DDX50: variants seen among roughly 807,000 people sequenced by gnomAD.
The protein encoded by DDX50 is DExD-box helicase 50, also known as ATP-dependent RNA helicase DDX50.
A neutral mutation model predicts 94.8 loss-of-function variants in DDX50; 56 were observed. The ratio of observed to expected loss-of-function variants is 0.59; its 90% CI spans 0.48 to 0.74. The LOEUF (loss-of-function observed/expected upper bound fraction) is 0.74. Among genes scored for constraint, DDX50 ranks in the 30% least tolerant of loss-of-function variants. The pLI, the probability that DDX50 is intolerant of heterozygous loss-of-function variation, is 0.00. For missense variants in DDX50, 713 were observed against 881.2 expected (o/e 0.81, Z 2.42); for synonymous variants, 264 against 295.4 (o/e 0.89, Z 1.09).
At position 68,913,544 on chromosome 10, in the gene DDX50, T is replaced by C. The variant is rs1841697643; in HGVS notation, c.911T>C (p.Val304Ala). 6.2e-7 allele frequency: 1 copy of C among 1,613,484 alleles called. No individual in the cohort carries two copies. The highest frequency in any genetic ancestry group is 8.5e-7 in the Non-Finnish European group (1 of 1,179,852). The change falls in exon 6 of 15, where the codon GTT becomes GCT. Residue 304 changes from valine to alanine, a missense_variant. By Grantham distance (64) the Val-to-Ala change is moderately conservative. This residue lies in a region of DDX50 where 428 missense variants were observed against 602.3 expected (regional missense o/e 0.71). Coordinates refer to ENST00000373585, the MANE Select transcript of DDX50 (RefSeq NM_024045.2). ...TTAGATTTAGGTTTCGCTGAACAAG[T>C]TGAAGATATTATTCATGAATCCTAC... ...QMLDLGFAEQ[V>A]EDIIHESYKT...
Position 68,901,325 on chromosome 10 carries a change from T to A in DDX50, c.-60T>A. On this transcript the variant is annotated 5_prime_UTR_variant, in exon 1 of 15. Coordinates refer to ENST00000373585, the MANE Select transcript of DDX50 (RefSeq NM_024045.2). ...GCCTTGCCCCCGCTTCCTTTCACGC[T>A]GTCGCTGCCCGTAGGTGGTTGTGGC... 1 of 1,443,650 alleles carries A rather than the reference T, an allele frequency of 6.9e-7. No homozygotes were observed. The highest frequency in any genetic ancestry group is 1.4e-5 in the South Asian group (1 of 73,904). The allele number at this position is 1,443,650 out of a possible 1,614,324, so 89.4% of individuals were successfully genotyped here. A position where few individuals can be genotyped will look rare whatever the true frequency, so the allele number is the denominator to read the frequency against.
In DDX50 at chr10:68,934,066, C is replaced by G; in HGVS notation, c.1240-133C>G. ...TGTCATGTTTGACTTTTTTTTTTTACAGTAAGCATGCATTGTTAAAATCAT... is the reference window on the plus strand; with the variant it reads ...TGTCATGTTTGACTTTTTTTTTTTAGAGTAAGCATGCATTGTTAAAATCAT... On this transcript the variant is annotated intron_variant, in intron 8 of 14. Transcript: ENST00000373585. The surrounding 1 kb of genome is among the most constrained non-coding windows in gnomAD (Gnocchi z 4.0). 1 of 723,076 alleles carries G rather than the reference C, an allele frequency of 1.4e-6. No individual in the cohort carries two copies. The highest frequency in any genetic ancestry group is 2.0e-6 in the Non-Finnish European group (1 of 507,632). The allele number at this position is 723,076 out of a possible 1,614,324, so 44.8% of individuals were successfully genotyped here. A position where few individuals can be genotyped will look rare whatever the true frequency, so the allele number is the denominator to read the frequency against.
chr10:68,925,225 T>C (rs1842053612), intron 8 of DDX50, among the ~76,000 whole-genome samples: 1 of 150,176 alleles, frequency 6.7e-6, no homozygotes, highest in Non-Finnish European at 1.5e-5. Flanking sequence ...TGCCTGAGTC[T>C]CCCAAGTAGC....
intron 8 of DDX50, among the ~76,000 whole-genome samples, chr10:68,931,307 A>G (rs1481991674): frequency 6.7e-6 from 1 of 150,234 alleles, no homozygotes; most frequent in Non-Finnish European, 1.5e-5. Flanking sequence ...TAGGCCACCG[A>G]TAACCTCTTT....
At chr10:68,936,863 T>A in intron 11 of DDX50, 73 bp from the exon 12 acceptor site, 2 of 1,452,840 alleles carry the variant, frequency 1.4e-6, no homozygotes, top group South Asian at 1.4e-5. Context: ...TTACTCCTTC[T>A]TTTTCCCATT....
At chr10:68,911,307 A>C (rs964481989) in intron 4 of DDX50, 61 bp downstream of exon 4, 3 of 1,459,136 alleles carry the variant, frequency 2.1e-6, no homozygotes, top group Non-Finnish European at 2.7e-6. Flanking sequence ...AAAGAAAGTT[A>C]CACGAGTCCT....
In DDX50 at chr10:68,910,397, T is replaced by A; in HGVS notation, c.460+15T>A. On this transcript the variant is annotated intron_variant, in intron 3 of 14. Transcript: ENST00000373585. ...GCTTCTGAAAGGTATGCAGTTTGGT[T>A]GTTGTTGTTATTGTTGTTGTTTTGA... 1 of 1,582,634 alleles carries A rather than the reference T, an allele frequency of 6.3e-7. No homozygotes were observed. The highest frequency in any genetic ancestry group is 8.6e-7 in the Non-Finnish European group (1 of 1,167,728).
At chr10:68,913,100 TG>T in intron 4 of DDX50, 61 bp from the exon 5 acceptor site, 1 of 1,386,622 alleles carries the variant, frequency 7.2e-7, no homozygotes, top group South Asian at 1.3e-5. Flanking sequence ...AAAGTCTTCT[TG>T]GTTTTAATTT....
chr10:68,922,772 G>A (rs192203336), intron 8 of DDX50, among the ~76,000 whole-genome samples: 68 of 151,458 alleles, frequency 4.5e-4, no homozygotes, highest in Admixed American at 1.1e-3. Context: ...TATCTTGGGT[G>A]ACAGAGTATG....
At chr10:68,925,298 CA>C (rs1202504162) in intron 8 of DDX50, among the ~76,000 whole-genome samples, 1 of 151,010 alleles carries the variant, frequency 6.6e-6, no homozygotes, top group Non-Finnish European at 1.5e-5. Context: ...TTAGTAGAGA[CA>C]GGGTTTCTTC....
At chr10:68,943,868 T>A (rs1237551319) in intron 14 of DDX50, among the ~76,000 whole-genome samples, 4 of 152,200 alleles carry the variant, frequency 2.6e-5, no homozygotes, top group Non-Finnish European at 5.9e-5. Flanking sequence ...TGAGCCACCA[T>A]ACCCAGTAAA....
chr10:68,931,929 C>T (rs749264383), intron 8 of DDX50, among the ~76,000 whole-genome samples: 4 of 152,076 alleles, frequency 2.6e-5, no homozygotes, highest in Non-Finnish European at 5.9e-5. Context: ...ATTTCTTCTA[C>T]CAGGAACTCC....
chr10:68,909,922 A>T (rs550517518), intron 2 of DDX50, among the ~76,000 whole-genome samples: 1 of 152,276 alleles, frequency 6.6e-6, no homozygotes, highest in Non-Finnish European at 1.5e-5. Context: ...TTGGCCTCCC[A>T]AAGTGCTGGG....
intron 1 of DDX50, 33 bp downstream of exon 1, chr10:68,901,504 G>A (rs1275195211): frequency 6.5e-7 from 1 of 1,545,822 alleles, no homozygotes; most frequent in Non-Finnish European, 8.7e-7. Context: ...CTCCTTTTGG[G>A]CTGCGCCGGC....
intron 8 of DDX50, among the ~76,000 whole-genome samples, chr10:68,927,137 C>T (rs1842114665): frequency 6.6e-6 from 1 of 152,236 alleles, no homozygotes; most frequent in South Asian, 2.1e-4. Context: ...GTCTCGAACT[C>T]TTAGCCTCAA....
chr10:68,916,355 A>AG (rs1841791635), intron 7 of DDX50, among the ~76,000 whole-genome samples: 1 of 149,962 alleles, frequency 6.7e-6, no homozygotes, highest in African/African-American at 2.4e-5. Context: ...CTCTGTCTCA[A>AG]AAAAAAAAAA....
At chr10:68,925,300 G>A (rs929155248) in intron 8 of DDX50, among the ~76,000 whole-genome samples, 1 of 151,432 alleles carries the variant, frequency 6.6e-6, no homozygotes, top group African/African-American at 2.4e-5. Context: ...AGTAGAGACA[G>A]GGTTTCTTCA....
intron 2 of DDX50, among the ~76,000 whole-genome samples, chr10:68,907,595 G>A (rs1296078549): frequency 1.3e-5 from 2 of 151,932 alleles, no homozygotes; most frequent in Non-Finnish European, 2.9e-5. Flanking sequence ...GGGATTACAG[G>A]CATGAGCCAC....
rs763267061 is a variant in DDX50, at chr10:68,901,468, A to G, written c.84A>G (p.Gln28=). Residue 28 remains glutamine (Q), a synonymous_variant, in exon 1 of 15, where the codon CAA becomes CAG. Transcript: ENST00000373585. ...CCGAGAGCCAGAAGAAGGAGAGGCA[A>G]AAGGTGCGCTGAGCATGGGCCGCGC... ...EESESQKKER[Q]KSDRRKSRHH... 1.3e-6 allele frequency: 2 copies of G among 1,568,850 alleles called. No individual in the cohort carries two copies. The highest frequency in any genetic ancestry group is 1.7e-6 in the Non-Finnish European group (2 of 1,157,446).
Sources: allele counts gnomAD v4.1 joint callset (sites outside exome capture counted in the v4.1 genomes callset), GRCh38; gene constraint gnomAD v4.1.1; regional missense constraint gnomAD v4.1.1; non-coding constraint Gnocchi (gnomAD v3.1); transcripts MANE v1.5; gene names NCBI Gene and HGNC (gene_info 2026-07-23, HGNC 2026-07-21).